The following ZNF804B variants were observed in gnomAD, a reference collection of about 807,000 sequenced individuals.
ZNF804B encodes the protein zinc finger protein 804B, also known as zinc finger 804B.
ZNF804B carries 80 observed loss-of-function variants against 101.4 expected under a neutral mutation model. That is an observed-to-expected ratio of 0.79 (90% CI 0.66 to 0.95). The LOEUF is 0.95. ZNF804B is among the 40% of genes least tolerant of loss of function. The pLI is 0.00. For synonymous variants in ZNF804B, 622 were observed against 558.8 expected, an observed-to-expected ratio of 1.11 and a Z score of -1.59; for missense variants, 1,673 against 1,561.9, an observed-to-expected ratio of 1.07 and a Z score of -1.20.
chr7:88,857,063 C>T (rs571113044), intron 1 of ZNF804B, among the ~76,000 whole-genome samples: 16 of 151,806 alleles, frequency 1.1e-4, no homozygotes, highest in South Asian at 2.1e-4. Flanking sequence ...TTGAAACCAA[C>T]GAGAACAAAG....
chr7:88,921,832 T>A (rs1235505632), intron 1 of ZNF804B, among the ~76,000 whole-genome samples: 1 of 152,088 alleles, frequency 6.6e-6, no homozygotes, highest in Admixed American at 6.6e-5. Flanking sequence ...CAGGATCTAA[T>A]TTGAAGATAA....
At chr7:89,102,029 T>C (rs2373838) in intron 1 of ZNF804B, among the ~76,000 whole-genome samples, 76,250 of 151,740 alleles carry the variant, frequency 0.5, 19,656 homozygotes, top group Middle Eastern at 0.53. Context: ...TTTATAGCTG[T>C]GTAGTATTCC....
At chr7:88,907,206 T>G (rs1193643668) in intron 1 of ZNF804B, among the ~76,000 whole-genome samples, 1 of 152,066 alleles carries the variant, frequency 6.6e-6, no homozygotes, top group Admixed American at 6.6e-5. Context: ...TAATAATTGT[T>G]TAGAGAAGCC....
intron 1 of ZNF804B, among the ~76,000 whole-genome samples, chr7:88,946,554 C>CTTTTTTTTTTTTTTT (rs202172425): frequency 1.5e-4 from 19 of 128,110 alleles, no homozygotes; most frequent in Non-Finnish European, 1.5e-4. Context: ...CTGAAATTTT[C>CTTTTTTTTTTTTTTT]TTTTTTTTTT....
rs750518295 is a variant in ZNF804B, at chr7:89,336,507, A to G, written c.3525A>G (p.Ser1175=). The G allele has an allele frequency of 4.1e-5, 66 of 1,613,984 alleles. No individual in the cohort carries two copies. The highest frequency in any genetic ancestry group is 5.4e-5 in the Non-Finnish European group (64 of 1,180,006). The change falls in exon 4 of 4, where the codon TCA becomes TCG. Residue 1175 remains serine, a synonymous_variant. Coordinates refer to ENST00000333190, the MANE Select transcript of ZNF804B (RefSeq NM_181646.5). ...AGCATATGCAGAAGCAACTCCTATCAAAGCATCTTCGAGTTTTGCCTGCTG... is the reference window on the plus strand; with the variant it reads ...AGCATATGCAGAAGCAACTCCTATCGAAGCATCTTCGAGTTTTGCCTGCTG... The part of the protein sequence containing the change: ...AQQHMQKQLL[S]KHLRVLPAAG...
rs778393912 is a variant in ZNF804B, at chr7:89,334,431, G to C, written c.1449G>C (p.Lys483Asn). The change falls in exon 4 of 4, where the codon AAG becomes AAC. Residue 483 changes from lysine (K) to asparagine (N), a missense_variant. Transcript: ENST00000333190. The part of the protein sequence containing the change: ...YGCNPLYFDF[K>N]LSRNTKEDHN... ...GCAACCCACTGTATTTTGATTTTAA[G>C]CTTTCTCGGAACACAAAGGAAGACC... The C allele has an allele frequency of 2.5e-6, 4 of 1,613,528 alleles. No individual in the cohort carries two copies. Among genetic ancestry groups the C allele is most frequent in the Non-Finnish European group, 3.4e-6 (4 of 1,179,832 alleles).
intron 1 of ZNF804B, among the ~76,000 whole-genome samples, chr7:88,868,544 A>ATAG (rs1791771929): frequency 6.6e-6 from 1 of 152,182 alleles, no homozygotes; most frequent in African/African-American, 2.4e-5. Context: ...ACACATAACA[A>ATAG]ACCCTATTCC....
At chr7:88,973,647 A>C (rs1793569641) in intron 1 of ZNF804B, among the ~76,000 whole-genome samples, 1 of 151,250 alleles carries the variant, frequency 6.6e-6, no homozygotes, top group Non-Finnish European at 1.5e-5. Context: ...TTTTGTACAC[A>C]CTTTTATGCT....
intron 1 of ZNF804B, among the ~76,000 whole-genome samples, chr7:88,831,913 C>G (rs1791140827): frequency 6.6e-6 from 1 of 151,688 alleles, no homozygotes; most frequent in Non-Finnish European, 1.5e-5. Flanking sequence ...TCTTTTTGTT[C>G]TATAGATGTG....
intron 1 of ZNF804B, among the ~76,000 whole-genome samples, chr7:89,192,926 A>G (rs1165918178): frequency 6.6e-6 from 1 of 152,106 alleles, no homozygotes; most frequent in Non-Finnish European, 1.5e-5. Context: ...AGATGCAGAA[A>G]TGGCCTTCAA....
intron 1 of ZNF804B, among the ~76,000 whole-genome samples, chr7:88,979,888 T>A (rs1172401541): frequency 6.6e-6 from 1 of 151,496 alleles, no homozygotes; most frequent in Non-Finnish European, 1.5e-5. Context: ...ATTTTGTAGG[T>A]GTGCTTCATT....
chr7:89,279,044 T>C (rs1487510496), intron 2 of ZNF804B, among the ~76,000 whole-genome samples: 3 of 152,184 alleles, frequency 2.0e-5, no homozygotes, highest in African/African-American at 7.2e-5. Flanking sequence ...TGGTTTGTAG[T>C]TCTCCTTGAA....
intron 2 of ZNF804B, among the ~76,000 whole-genome samples, chr7:89,302,566 A>G (rs1198770937): frequency 6.6e-6 from 1 of 151,888 alleles, no homozygotes; most frequent in Non-Finnish European, 1.5e-5. Flanking sequence ...AGAGAAGGAG[A>G]GATGGGAGAC....
rs56693128 is a variant in ZNF804B, at chr7:89,103,048, G to GTTTTTTTTTT, written c.109-115081_109-115072dup. Among the ~76,000 whole-genome samples, 13 of 33,750 alleles carry GTTTTTTTTTT rather than the reference G, an allele frequency of 3.9e-4. 3 individuals carry two copies. The highest frequency in any genetic ancestry group is 1.5e-3 in the East Asian group (1 of 660). 22.1% of individuals were successfully genotyped at this position (33,750 alleles called of 152,430 possible). A position where few individuals can be genotyped will look rare whatever the true frequency, so the allele number is the denominator to read the frequency against. ...TTCTATTCCATTGACCTATGTGTCT[G>GTTTTTTTTTT]TTTTTTTTTTTTTTTTTTTTTTTTT... On this transcript the variant is annotated intron_variant, in intron 1 of 3. Coordinates refer to ENST00000333190, the MANE Select transcript of ZNF804B (RefSeq NM_181646.5).
rs139231217 is a variant in ZNF804B at position 89,236,775 on chromosome 7, G to A, written c.249+18480G>A. ...TAAGGAAATGAACATGGCTCATCTC[G>A]CTGTATTCTTTTTGCAATTCCATAA... On this transcript the variant is annotated intron_variant, in intron 2 of 3. Coordinates refer to ENST00000333190, the MANE Select transcript of ZNF804B (RefSeq NM_181646.5). Among the ~76,000 whole-genome samples, 580 of 152,074 alleles carry A rather than the reference G, an allele frequency of 3.8e-3. 3 individuals are homozygous for A. The highest frequency in any genetic ancestry group is 0.013 in the African/African-American group (553 of 41,506).
chr7:89,173,469 A>C (rs144604144), intron 1 of ZNF804B, among the ~76,000 whole-genome samples: 126 of 152,236 alleles, frequency 8.3e-4, no homozygotes, highest in African/African-American at 3.0e-3. Flanking sequence ...CCACTTTAGA[A>C]AACAAGTTAA....
At chr7:89,001,400 G>A (rs1477802549) in intron 1 of ZNF804B, among the ~76,000 whole-genome samples, 6 of 149,198 alleles carry the variant, frequency 4.0e-5, no homozygotes, top group African/African-American at 1.2e-4. Flanking sequence ...TATTAGTCTT[G>A]GGAAAAAAGA....
intron 1 of ZNF804B, among the ~76,000 whole-genome samples, chr7:89,025,569 T>C (rs1187060042): frequency 6.6e-6 from 1 of 152,130 alleles, no homozygotes; most frequent in East Asian, 1.9e-4. Flanking sequence ...AAAAACAAAC[T>C]TATTATATGT....
At chr7:88,924,850 C>G (rs974829637) in intron 1 of ZNF804B, among the ~76,000 whole-genome samples, 6 of 152,138 alleles carry the variant, frequency 3.9e-5, no homozygotes, top group Admixed American at 2.0e-4. Flanking sequence ...CCCGCACACC[C>G]AACATTTAAA....
Sources: allele counts gnomAD v4.1 joint callset (sites outside exome capture counted in the v4.1 genomes callset), GRCh38; gene constraint gnomAD v4.1.1; transcripts MANE v1.5; gene names NCBI Gene and HGNC (gene_info 2026-07-23, HGNC 2026-07-21).